EYA2: variants seen among roughly 807,000 people sequenced by gnomAD.
EYA2 encodes the protein EYA transcriptional coactivator and phosphatase 2.
EYA2 carries 31 observed loss-of-function variants against 69.2 expected under a neutral mutation model. That is an observed-to-expected ratio of 0.45 (90% CI 0.34 to 0.60). EYA2 has a LOEUF of 0.60. Ranked by LOEUF, EYA2 falls within the 20% of genes least tolerant of loss-of-function variation. The pLI is 0.02. For synonymous variants in EYA2, 257 were observed against 279.4 expected, an observed-to-expected ratio of 0.92 and a Z score of 0.80; for missense variants, 622 against 701.2, an observed-to-expected ratio of 0.89 and a Z score of 1.28.
At chr20:46,896,832 AT>A (rs1983835170) in intron 1 of EYA2, among the ~76,000 whole-genome samples, 1 of 152,172 alleles carries the variant, frequency 6.6e-6, no homozygotes, top group African/African-American at 2.4e-5. Flanking sequence ...TCACAATATC[AT>A]TCACTATTTT....
At chr20:47,175,182 TC>T (rs1429716849) in intron 12 of EYA2, among the ~76,000 whole-genome samples, 13 of 152,226 alleles carry the variant, frequency 8.5e-5, no homozygotes, top group Admixed American at 8.5e-4. Flanking sequence ...ACCCAGCTGT[TC>T]CTGCATCACA....
At chr20:47,138,838 C>T (rs1185810047) in intron 9 of EYA2, among the ~76,000 whole-genome samples, 1 of 152,094 alleles carries the variant, frequency 6.6e-6, no homozygotes, top group Non-Finnish European at 1.5e-5. Flanking sequence ...TCTCTGCCTT[C>T]TAGAAGTAAC....
intron 9 of EYA2, among the ~76,000 whole-genome samples, chr20:47,106,959 G>A (rs2032600401): frequency 6.6e-6 from 1 of 152,182 alleles, no homozygotes; most frequent in Non-Finnish European, 1.5e-5. Context: ...GTAGAAGGGA[G>A]TGTTTGGAAA....
At chr20:46,987,962 C>CTATATATA (rs1568707112) in intron 1 of EYA2, among the ~76,000 whole-genome samples, 4 of 17,542 alleles carry the variant, frequency 2.3e-4, no homozygotes, top group Non-Finnish European at 3.1e-4. Flanking sequence ...CTCTCTCTCT[C>CTATATATA]TCTATATATA....
chr20:47,056,846 A>G (rs1339887050), intron 5 of EYA2, among the ~76,000 whole-genome samples: 1 of 152,008 alleles, frequency 6.6e-6, no homozygotes, highest in Non-Finnish European at 1.5e-5. Context: ...GAAGTTCGAG[A>G]CCAGCCTAGG....
intron 9 of EYA2, among the ~76,000 whole-genome samples, chr20:47,100,376 A>AG (rs534427825): frequency 2.5e-4 from 38 of 152,054 alleles, no homozygotes; most frequent in Non-Finnish European, 4.0e-4. Flanking sequence ...CTGCCCTCTT[A>AG]GGGGGGGTGG....
At chr20:46,975,807 C>G (rs895268110) in intron 1 of EYA2, among the ~76,000 whole-genome samples, 1 of 152,142 alleles carries the variant, frequency 6.6e-6, no homozygotes, top group Non-Finnish European at 1.5e-5. Context: ...CCCAGCTACT[C>G]GGGAGGCTGA....
intron 1 of EYA2, among the ~76,000 whole-genome samples, chr20:46,966,319 A>G (rs1035060840): frequency 1.3e-5 from 2 of 152,158 alleles, no homozygotes; most frequent in African/African-American, 2.4e-5. Flanking sequence ...TCAGCAAAAT[A>G]CTATTCATCA....
chr20:47,122,314 G>C (rs1329729329), intron 9 of EYA2, among the ~76,000 whole-genome samples: 6 of 101,928 alleles, frequency 5.9e-5, no homozygotes, highest in Admixed American at 5.3e-4. Context: ...TTTTTTTTGA[G>C]ATGGAGTCTT....
chr20:46,985,834 C>A (rs1423487730), intron 1 of EYA2, among the ~76,000 whole-genome samples: 2 of 152,110 alleles, frequency 1.3e-5, no homozygotes, highest in Admixed American at 1.3e-4. Flanking sequence ...TAAATATTGG[C>A]AACTACCTCA....
intron 1 of EYA2, among the ~76,000 whole-genome samples, chr20:46,985,331 G>A (rs1471251751): frequency 6.6e-6 from 1 of 152,152 alleles, no homozygotes; most frequent in Non-Finnish European, 1.5e-5. Flanking sequence ...CCATTGGCTT[G>A]GCCTTCAAGA....
chr20:47,064,383 C>T (rs1288845760), intron 5 of EYA2, among the ~76,000 whole-genome samples: 2 of 152,206 alleles, frequency 1.3e-5, no homozygotes, highest in African/African-American at 2.4e-5. Context: ...TCCGTTCAGC[C>T]GTCAGTGGAC....
intron 1 of EYA2, among the ~76,000 whole-genome samples, chr20:46,944,586 C>T (rs1978346484): frequency 6.6e-6 from 1 of 152,116 alleles, no homozygotes; most frequent in African/African-American, 2.4e-5. Flanking sequence ...AAAACAGCAC[C>T]CGCTCCATAG....
At chr20:47,087,453 C>T (rs1191348734) in intron 7 of EYA2, among the ~76,000 whole-genome samples, 1 of 152,186 alleles carries the variant, frequency 6.6e-6, no homozygotes, top group Non-Finnish European at 1.5e-5. Context: ...AAGGACAGGT[C>T]CAAATTTTAG....
At chr20:47,161,711 A>C in intron 10 of EYA2, 1 of 189,568 alleles carries the variant, frequency 5.3e-6, no homozygotes, top group Non-Finnish European at 1.1e-5. Context: ...ATCCCCCAAA[A>C]CCGGATGTTT....
intron 1 of EYA2, among the ~76,000 whole-genome samples, chr20:46,981,705 A>G (rs1365904726): frequency 3.9e-5 from 6 of 152,054 alleles, no homozygotes; most frequent in Non-Finnish European, 8.8e-5. Flanking sequence ...GTCCCTGTAA[A>G]TCTCTAATAA....
chr20:47,028,146 G>A (rs1334080643), intron 5 of EYA2, among the ~76,000 whole-genome samples: 2 of 152,184 alleles, frequency 1.3e-5, no homozygotes, highest in Non-Finnish European at 2.9e-5. Flanking sequence ...CTGAGGACAG[G>A]CCATGCAAGG....
At chr20:47,089,522 G>C in intron 8 of EYA2, 141 bp downstream of exon 8, 1 of 994,950 alleles carries the variant, frequency 1.0e-6, no homozygotes, top group Non-Finnish European at 1.4e-6. Context: ...GGAAGCATGA[G>C]GTTGTCCAAG....
chr20:47,008,661 T>G (rs1305432061), intron 4 of EYA2, among the ~76,000 whole-genome samples: 1 of 152,246 alleles, frequency 6.6e-6, no homozygotes, highest in East Asian at 1.9e-4. Context: ...CAGTTACTTT[T>G]GGAGCGTCTG....
Sources: gnomAD v4.1 joint callset for allele counts (sites outside exome capture counted in the v4.1 genomes callset) on GRCh38, gnomAD v4.1.1 for gene constraint, MANE v1.5 for transcripts, NCBI Gene and HGNC (gene_info 2026-07-23, HGNC 2026-07-21) for gene names.